Variants in PRKAG2 observed in about 807,000 individuals in gnomAD.
The protein encoded by PRKAG2 is 5'-AMP-activated protein kinase subunit gamma-2.
In PRKAG2, 26 loss-of-function variants were observed where a neutral mutation model predicts 69.6. The observed-to-expected ratio is 0.37, with a 90% confidence interval of 0.27 to 0.52. PRKAG2 has a LOEUF of 0.52. PRKAG2 is among the 20% of genes least tolerant of loss of function. The probability of loss-of-function intolerance (pLI) is 0.90; values close to 1 mark genes in which losing one functional copy is unlikely to be tolerated. For missense variants in PRKAG2, 557 were observed against 740.0 expected (o/e 0.75, Z 2.87); for synonymous variants, 293 against 285.0 (o/e 1.03, Z -0.28).
rs990856104 is a variant in PRKAG2, at chr7:151,756,690, C to T, written c.466+24462G>A. Reference sequence around the variant, plus strand: ...GTTCCAGCCCCGCCAGGGCTCCCAGCGCCGCCCTCTTCCCTTCTCCCACCT... The same window carrying T: ...GTTCCAGCCCCGCCAGGGCTCCCAGTGCCGCCCTCTTCCCTTCTCCCACCT... On this transcript the variant is annotated intron_variant, in intron 3 of 15. Transcript: ENST00000287878. This position sits in a 1 kb window ranked among gnomAD's most constrained non-coding sequence, Gnocchi z 4.9. Among the ~76,000 whole-genome samples, 2 of 152,176 alleles carry T rather than the reference C, an allele frequency of 1.3e-5. No homozygotes were observed. Among genetic ancestry groups the T allele is most frequent in the African/African-American group, 2.4e-5 (1 of 41,448 alleles).
At chr7:151,654,270 C>T (rs1461951686) in intron 4 of PRKAG2, among the ~76,000 whole-genome samples, 1 of 152,210 alleles carries the variant, frequency 6.6e-6, no homozygotes, top group African/African-American at 2.4e-5. Context: ...AGGCTTGCAG[C>T]AAGCCATCCC....
chr7:151,744,317 C>T (rs1043908637), intron 3 of PRKAG2, among the ~76,000 whole-genome samples: 1 of 152,218 alleles, frequency 6.6e-6, no homozygotes, highest in African/African-American at 2.4e-5. Context: ...GGTGCTGGTC[C>T]AGGCTGCAGG....
chr7:151,804,293 A>G (rs2077991707), intron 1 of PRKAG2, among the ~76,000 whole-genome samples: 1 of 152,220 alleles, frequency 6.6e-6, no homozygotes, highest in Non-Finnish European at 1.5e-5. Flanking sequence ...GAGAATTAAT[A>G]CAATAAAAAC....
chr7:151,596,740 C>T (rs1814626123), intron 5 of PRKAG2, among the ~76,000 whole-genome samples: 2 of 150,786 alleles, frequency 1.3e-5, no homozygotes, highest in South Asian at 4.2e-4. Context: ...CAAAGTGAGA[C>T]TGTCAAAAAA....
chr7:151,715,292 C>T (rs1223603491), intron 3 of PRKAG2, among the ~76,000 whole-genome samples: 4 of 113,398 alleles, frequency 3.5e-5, no homozygotes, highest in South Asian at 2.7e-4. Context: ...CTGGGATTAC[C>T]GGCATGAGCC....
At chr7:151,714,717 G>A (rs764026014) in intron 3 of PRKAG2, among the ~76,000 whole-genome samples, 5 of 151,994 alleles carry the variant, frequency 3.3e-5, no homozygotes, top group Non-Finnish European at 5.9e-5. Context: ...TGGGAGGCTC[G>A]GGCAAGTGGA....
chr7:151,756,199 T>G lies in PRKAG2; in HGVS notation c.466+24953A>C, dbSNP rs1340098749. Reference sequence around the variant, plus strand: ...CAGGCCCCTGTGGCCTCCCTGAAAGTGAGGAGTAAAATGACTCACGTACAG... The same window carrying G: ...CAGGCCCCTGTGGCCTCCCTGAAAGGGAGGAGTAAAATGACTCACGTACAG... On this transcript the variant is annotated intron_variant, in intron 3 of 15. Transcript: ENST00000287878. This position sits in a 1 kb window ranked among gnomAD's most constrained non-coding sequence, Gnocchi z 4.9. Among the ~76,000 whole-genome samples, 1 of 152,000 alleles carries G rather than the reference T, an allele frequency of 6.6e-6. No individual in the cohort carries two copies. Among genetic ancestry groups the G allele is most frequent in the Non-Finnish European group, 1.5e-5 (1 of 68,002 alleles).
chr7:151,843,422 C>G (rs942671571), intron 1 of PRKAG2, among the ~76,000 whole-genome samples: 1 of 152,154 alleles, frequency 6.6e-6, no homozygotes, highest in African/African-American at 2.4e-5. Flanking sequence ...TGCACCATCA[C>G]GCGGCTACAG....
chr7:151,639,554 GAAC>G (rs1826322002), intron 4 of PRKAG2, among the ~76,000 whole-genome samples: 2 of 152,306 alleles, frequency 1.3e-5, no homozygotes, highest in Admixed American at 6.5e-5. Flanking sequence ...GGCCTGGAGA[GAAC>G]AATAAAGGTG....
At chr7:151,735,000 G>A (rs571766637) in intron 3 of PRKAG2, among the ~76,000 whole-genome samples, 16 of 151,772 alleles carry the variant, frequency 1.1e-4, no homozygotes, top group Non-Finnish European at 1.9e-4. Context: ...GACTATATGC[G>A]CACGCCACCA....
In PRKAG2 at chr7:151,614,116, G is replaced by A. The variant is rs372417372; in HGVS notation, c.754+17953C>T. On this transcript the variant is annotated intron_variant, in intron 5 of 15. Transcript: ENST00000287878. The surrounding 1 kb of genome is among the most constrained non-coding windows in gnomAD (Gnocchi z 4.4). ...TGGTCTCACTGGAGCCGACCAGGAG[G>A]TGCCCCGTTCCCACGGCTATGCTGA... Among the ~76,000 whole-genome samples the A allele has an allele frequency of 1.2e-4, 19 of 152,282 alleles. No individual in the cohort carries two copies. In the East Asian group the frequency reaches 2.5e-3, roughly 20 times the overall value.
intron 1 of PRKAG2, among the ~76,000 whole-genome samples, chr7:151,849,590 G>C (rs563245177): frequency 1.1e-4 from 16 of 152,314 alleles, no homozygotes; most frequent in African/African-American, 3.8e-4. Context: ...TGAAGTCCAA[G>C]ATCAAGGGGT....
intron 1 of PRKAG2, among the ~76,000 whole-genome samples, chr7:151,802,988 C>T (rs60234104): frequency 0.049 from 7,340 of 150,548 alleles, 444 homozygotes; most frequent in African/African-American, 0.14. Flanking sequence ...GACAGGGTCT[C>T]GCTCTGTTGC....
At chr7:151,823,710 T>G (rs2078846752) in intron 1 of PRKAG2, among the ~76,000 whole-genome samples, 1 of 152,114 alleles carries the variant, frequency 6.6e-6, no homozygotes, top group African/African-American at 2.4e-5. Context: ...CCTGATCCTA[T>G]GATCCTTTAC....
intron 5 of PRKAG2, among the ~76,000 whole-genome samples, chr7:151,602,476 AT>A (rs1816348841): frequency 6.6e-6 from 1 of 152,198 alleles, no homozygotes; most frequent in Non-Finnish European, 1.5e-5. Flanking sequence ...AACTTACAGA[AT>A]TTTTGAAAAT....
At chr7:151,865,447 G>A (rs1159668749) in intron 1 of PRKAG2, among the ~76,000 whole-genome samples, 3 of 152,342 alleles carry the variant, frequency 2.0e-5, no homozygotes, top group Admixed American at 6.5e-5. Context: ...TGGTGTTTTG[G>A]TAGCAGCAGA....
At chr7:151,707,945 G>A (rs1211854135) in intron 3 of PRKAG2, among the ~76,000 whole-genome samples, 3 of 152,178 alleles carry the variant, frequency 2.0e-5, no homozygotes, top group African/African-American at 2.4e-5. Context: ...GAGAACTCTC[G>A]GCCCAACCCA....
At chr7:151,872,546 C>T (rs575357680) in intron 1 of PRKAG2, among the ~76,000 whole-genome samples, 231 of 152,346 alleles carry the variant, frequency 1.5e-3, no homozygotes, top group Non-Finnish European at 2.4e-3. Context: ...GGTGCATTAA[C>T]GAGTGGGTTA....
chr7:151,852,730 C>T (rs879730257), intron 1 of PRKAG2, among the ~76,000 whole-genome samples: 4 of 152,040 alleles, frequency 2.6e-5, no homozygotes, highest in Admixed American at 6.5e-5. Flanking sequence ...GAAGTGCTCC[C>T]ATCCTACAGA....
Sources: gnomAD v4.1 joint callset for allele counts (sites outside exome capture counted in the v4.1 genomes callset) on GRCh38, gnomAD v4.1.1 for gene constraint, Gnocchi (gnomAD v3.1) non-coding constraint, MANE v1.5 for transcripts, NCBI Gene and HGNC (gene_info 2026-07-23, HGNC 2026-07-21) for gene names.